Variants in CFAP206 observed in about 807,000 individuals in gnomAD.
The protein encoded by CFAP206 is cilia- and flagella-associated protein 206.
A neutral mutation model predicts 65.4 loss-of-function variants in CFAP206; 53 were observed. The observed-to-expected ratio is 0.81, with a 90% CI of 0.65 to 1.02. The LOEUF is 1.02. CFAP206 is among the 50% of genes least tolerant of loss of function. The probability of loss-of-function intolerance (pLI) is 0.00; values close to 1 mark genes in which losing one functional copy is unlikely to be tolerated. For missense variants in CFAP206, 663 were observed against 753.2 expected (o/e 0.88, Z 1.40); for synonymous variants, 250 against 254.4 (o/e 0.98, Z 0.17).
chr6:87,435,979 T>G (rs1369631664), intron 11 of CFAP206: 1 of 152,110 alleles, frequency 6.6e-6, no homozygotes, highest in Non-Finnish European at 1.5e-5. Flanking sequence ...TGTTCATCTC[T>G]TAAGTGGTCT....
intron 10 of CFAP206, among the ~76,000 whole-genome samples, chr6:87,432,995 A>G (rs140023415): frequency 6.6e-6 from 1 of 152,272 alleles, no homozygotes; most frequent in African/African-American, 2.4e-5. Flanking sequence ...TTTTCCGATG[A>G]CTTCATTGAC....
chr6:87,434,502 C>CT (rs377378986), intron 10 of CFAP206, among the ~76,000 whole-genome samples: 26,988 of 134,340 alleles, frequency 0.2, 2,659 homozygotes, highest in Non-Finnish European at 0.21. Context: ...TTTTCTTTTT[C>CT]TTTTTTTTTT....
intron 4 of CFAP206, among the ~76,000 whole-genome samples, chr6:87,414,384 G>C (rs375534975): frequency 2.0e-5 from 3 of 152,162 alleles, no homozygotes; most frequent in Admixed American, 1.3e-4. Flanking sequence ...TGCAACCTCT[G>C]ACTCCCATGT....
chr6:87,416,547 T>C, intron 5 of CFAP206, 122 bp from the exon 6 acceptor site: 1 of 819,504 alleles, frequency 1.2e-6, no homozygotes, highest in Non-Finnish European at 1.8e-6. Context: ...GTATCAGTAA[T>C]TTAAAGAATC....
chr6:87,452,477 AAACTAAATAAGGCACC>A (rs1349945990), intron 11 of CFAP206, among the ~76,000 whole-genome samples: 1 of 152,116 alleles, frequency 6.6e-6, no homozygotes, highest in African/African-American at 2.4e-5. Flanking sequence ...CTCACCAAAC[AAACTAAATAAGGCACC>A]AGGGACCAAT....
intron 11 of CFAP206, chr6:87,445,139 C>T: frequency 2.6e-6 from 1 of 387,962 alleles, no homozygotes; most frequent in Non-Finnish European, 5.0e-6. Flanking sequence ...TTGCGTAATC[C>T]ATCATCTGTT....
chr6:87,418,937 C>A (rs1489506386), intron 7 of CFAP206, among the ~76,000 whole-genome samples: 1 of 151,968 alleles, frequency 6.6e-6, no homozygotes, highest in African/African-American at 2.4e-5. Context: ...CATGGCAAAA[C>A]CCCATCTCTA....
chr6:87,410,730 G>T (rs1426919229), intron 3 of CFAP206, 62 bp downstream of exon 3: 1 of 1,287,798 alleles, frequency 7.8e-7, no homozygotes, highest in East Asian at 2.3e-5. Flanking sequence ...TACAATATTT[G>T]TATTAGTCAT....
chr6:87,451,090 G>A (rs1768535048), intron 11 of CFAP206, among the ~76,000 whole-genome samples: 1 of 152,158 alleles, frequency 6.6e-6, no homozygotes, highest in South Asian at 2.1e-4. Flanking sequence ...GTGTACTAGG[G>A]TCCTGATAAA....
chr6:87,438,117 G>A (rs1768304474), intron 11 of CFAP206, among the ~76,000 whole-genome samples: 1 of 152,102 alleles, frequency 6.6e-6, no homozygotes, highest in Non-Finnish European at 1.5e-5. Flanking sequence ...GAGAGGTAAA[G>A]AAAGACAAAG....
chr6:87,433,020 C>T (rs763119428), intron 10 of CFAP206, among the ~76,000 whole-genome samples: 2 of 152,204 alleles, frequency 1.3e-5, no homozygotes, highest in African/African-American at 4.8e-5. Context: ...TTGCCTACCA[C>T]GCTTTGCCTC....
Position 87,423,757 on chromosome 6 carries a change from A to G in CFAP206, c.841-2769A>G, listed in dbSNP as rs186696716. On this transcript the variant is annotated intron_variant, in intron 7 of 12. Coordinates refer to ENST00000369562, the MANE Select transcript of CFAP206 (RefSeq NM_001031743.3). ...AAAACTCTATGAGGGTAGACAAGAG[A>G]CCTATTTGATATAATAGATAATAGT... Among the ~76,000 whole-genome samples the G allele has an allele frequency of 8.1e-3, 1,237 of 152,272 alleles. 10 individuals carry two copies. Among genetic ancestry groups the G allele is most frequent in the Non-Finnish European group, 0.012 (808 of 68,024 alleles).
intron 6 of CFAP206, 39 bp from the exon 7 acceptor site, chr6:87,418,169 G>A: frequency 2.5e-6 from 4 of 1,577,836 alleles, no homozygotes; most frequent in Non-Finnish European, 3.5e-6. Flanking sequence ...ATTGTTTTTA[G>A]TCTCCTTTAT....
chr6:87,435,056 A>T lies in CFAP206; in HGVS notation c.1494+3A>T. On this transcript the variant is annotated splice_donor_region_variant and intron_variant, in intron 11 of 12. Coordinates refer to ENST00000369562, the MANE Select transcript of CFAP206 (RefSeq NM_001031743.3). ...AAACATTTATTCCATATTCTCAGGTAAGCAGGGTCAATATTTTATGAATTT... is the reference window on the plus strand; with the variant it reads ...AAACATTTATTCCATATTCTCAGGTTAGCAGGGTCAATATTTTATGAATTT... The T allele has an allele frequency of 6.4e-7, 1 of 1,551,690 alleles. No homozygotes were observed. The highest frequency in any genetic ancestry group is 1.2e-5 in the South Asian group (1 of 84,004).
chr6:87,459,357 C>G (rs1250519946), intron 11 of CFAP206, among the ~76,000 whole-genome samples: 2 of 152,080 alleles, frequency 1.3e-5, no homozygotes, highest in Admixed American at 1.3e-4. Context: ...CCTCCATGAC[C>G]TCTCTGTCAG....
In CFAP206 at chr6:87,428,737, G is replaced by A. The variant is rs777448285; in HGVS notation, c.1072G>A (p.Glu358Lys). 41 of 1,613,964 alleles carry A rather than the reference G, an allele frequency of 2.5e-5. No individual in the cohort carries two copies. The South Asian group carries it at 2.6e-4, about 10-fold the overall frequency. Residue 358 changes from glutamate to lysine, a missense_variant, in exon 9 of 13, where the codon GAA becomes AAA. Physicochemically the swap from Glu to Lys is moderately conservative, Grantham distance 56 (BLOSUM62 1). Transcript: ENST00000369562. Reference sequence around the variant, plus strand: ...CATTCAGCCATTCTTGGGTGCTCACGAACTATACTTTCCTGAGAGAGTGAT... The same window carrying A: ...CATTCAGCCATTCTTGGGTGCTCACAAACTATACTTTCCTGAGAGAGTGAT... ...THIQPFLGAH[E>K]LYFPERVMQC...
intron 11 of CFAP206, among the ~76,000 whole-genome samples, chr6:87,453,920 A>G (rs1013326863): frequency 1.3e-5 from 2 of 152,160 alleles, no homozygotes; most frequent in Non-Finnish European, 2.9e-5. Flanking sequence ...GGACTAAACA[A>G]TTCTCCAATC....
At chr6:87,451,506 A>G in intron 11 of CFAP206, among the ~76,000 whole-genome samples, 1 of 152,050 alleles carries the variant, frequency 6.6e-6, no homozygotes, top group East Asian at 1.9e-4. Context: ...TGGGTCTTGA[A>G]TAATTATCAA....
chr6:87,458,179 C>T (rs2223880), intron 11 of CFAP206, among the ~76,000 whole-genome samples: 94,456 of 151,952 alleles, frequency 0.62, 29,948 homozygotes, highest in African/African-American at 0.74. Context: ...TAACGAATGC[C>T]GGTGAGGATA....
Sources: gnomAD v4.1 joint callset for allele counts (sites outside exome capture counted in the v4.1 genomes callset) on GRCh38, gnomAD v4.1.1 for gene constraint, MANE v1.5 for transcripts, NCBI Gene and HGNC (gene_info 2026-07-23, HGNC 2026-07-21) for gene names.